The following SCAND3 variants were observed in gnomAD, a reference collection of about 807,000 sequenced individuals.
The protein encoded by SCAND3 is SCAN domain-containing protein 3.
At chr6:28,574,563 C>A in the SCAND3 span, 2 of 1,278,292 alleles carry the variant, frequency 1.6e-6, no homozygotes, top group South Asian at 1.4e-5. Context: ...TTTCATATAC[C>A]TTGTCACACA....
the SCAND3 span, chr6:28,573,254 G>T: frequency 6.2e-7 from 1 of 1,614,076 alleles, no homozygotes; most frequent in Non-Finnish European, 8.5e-7. Context: ...GCCAGTTCCT[G>T]AATACGTCGA....
At chr6:28,611,053 T>C in the SCAND3 span, among the ~76,000 whole-genome samples, 6 of 152,240 alleles carry the variant, frequency 3.9e-5, no homozygotes, top group Admixed American at 6.5e-5. Context: ...TTTTAATTAC[T>C]TCATGTATTC....
chr6:28,603,219 A>G, the SCAND3 span, among the ~76,000 whole-genome samples: 2 of 152,052 alleles, frequency 1.3e-5, no homozygotes, highest in Admixed American at 6.6e-5. Context: ...CAACCTCCCA[A>G]AGTGCTGGGA....
chr6:28,608,113 A>C, the SCAND3 span, among the ~76,000 whole-genome samples: 1 of 152,236 alleles, frequency 6.6e-6, no homozygotes, highest in Non-Finnish European at 1.5e-5. Flanking sequence ...GAATGTGGAC[A>C]GACTCCAAGT....
chr6:28,573,974 T>C, the SCAND3 span: 1 of 1,113,032 alleles, frequency 9.0e-7, no homozygotes, highest in South Asian at 2.3e-5. Context: ...GCCTATATTT[T>C]CTCAGAGTTT....
At chr6:28,598,960 C>T in the SCAND3 span, among the ~76,000 whole-genome samples, 1 of 151,056 alleles carries the variant, frequency 6.6e-6, no homozygotes, top group Non-Finnish European at 1.5e-5. Context: ...AAAGTCAATT[C>T]CTTTTCTACA....
At chr6:28,603,981 G>C in the SCAND3 span, among the ~76,000 whole-genome samples, 2 of 152,192 alleles carry the variant, frequency 1.3e-5, no homozygotes, top group African/African-American at 4.8e-5. Flanking sequence ...GGACTGCCCA[G>C]ATTTCTTATA....
chr6:28,601,896 G>A, the SCAND3 span, among the ~76,000 whole-genome samples: 3 of 152,158 alleles, frequency 2.0e-5, no homozygotes, highest in South Asian at 2.1e-4. Context: ...GGACCCTGGT[G>A]CTGAAGACAT....
At chr6:28,605,867 A>G in the SCAND3 span, among the ~76,000 whole-genome samples, 1 of 152,104 alleles carries the variant, frequency 6.6e-6, no homozygotes, top group African/African-American at 2.4e-5. Flanking sequence ...AAAGAAAGAA[A>G]TGAAAATAAC....
the SCAND3 span, among the ~76,000 whole-genome samples, chr6:28,608,569 G>A: frequency 6.6e-6 from 1 of 152,126 alleles, no homozygotes; most frequent in Admixed American, 6.5e-5. Context: ...ATTTGCCTAC[G>A]CCAGAGCTAG....
chr6:28,574,321 A>G, the SCAND3 span, among the ~76,000 whole-genome samples: 2 of 152,136 alleles, frequency 1.3e-5, no homozygotes, highest in Non-Finnish European at 2.9e-5. Context: ...TCCATATTTC[A>G]AAACATTAAC....
chr6:28,571,883 A>G, the SCAND3 span: 1 of 1,603,150 alleles, frequency 6.2e-7, no homozygotes, highest in East Asian at 2.2e-5. Flanking sequence ...CTTTGAACCA[A>G]TACCTTACAT....
chr6:28,603,364 A>AT, the SCAND3 span, among the ~76,000 whole-genome samples: 1 of 152,228 alleles, frequency 6.6e-6, no homozygotes, highest in Non-Finnish European at 1.5e-5. Context: ...CACTTCCAAA[A>AT]TATATCTTAT....
chr6:28,613,892 T>C, the SCAND3 span, among the ~76,000 whole-genome samples: 1 of 152,088 alleles, frequency 6.6e-6, no homozygotes, highest in South Asian at 2.1e-4. Context: ...CCACTTCCAC[T>C]AAACCATTAA....
At chr6:28,584,880 A>G in the SCAND3 span, among the ~76,000 whole-genome samples, 18 of 152,360 alleles carry the variant, frequency 1.2e-4, no homozygotes, top group Middle Eastern at 3.4e-3. Context: ...TACTTCCACT[A>G]AATGAAGGCA....
the SCAND3 span, chr6:28,572,754 A>G: frequency 6.2e-7 from 1 of 1,614,080 alleles, no homozygotes; most frequent in Non-Finnish European, 8.5e-7. The surrounding 1 kb of genome is among the most constrained non-coding windows in gnomAD (Gnocchi z 4.1). Flanking sequence ...CAGCTTCCAT[A>G]TTATCACATA....
the SCAND3 span, among the ~76,000 whole-genome samples, chr6:28,584,153 G>C: frequency 1.3e-5 from 2 of 152,202 alleles, no homozygotes; most frequent in African/African-American, 4.8e-5. Context: ...CCCCTGTATA[G>C]GCAACCAATA....
chr6:28,592,727 GA>G, the SCAND3 span, among the ~76,000 whole-genome samples: 1 of 152,134 alleles, frequency 6.6e-6, no homozygotes, highest in South Asian at 2.1e-4. This position sits in a 1 kb window ranked among gnomAD's most constrained non-coding sequence, Gnocchi z 4.1. Flanking sequence ...CAGACATACT[GA>G]CCTTTGAAAG....
At chr6:28,585,254 T>C in the SCAND3 span, 4 of 152,350 alleles carry the variant, frequency 2.6e-5, no homozygotes, top group Non-Finnish European at 5.9e-5. Flanking sequence ...AGCAGAAATT[T>C]TATCACAAGC....
Sources: allele counts gnomAD v4.1 joint callset (sites outside exome capture counted in the v4.1 genomes callset), GRCh38; gene constraint gnomAD v4.1.1; non-coding constraint Gnocchi (gnomAD v3.1); transcripts MANE v1.5; gene names NCBI Gene and HGNC (gene_info 2026-07-23, HGNC 2026-07-21).